Variants in MYRF observed in about 807,000 individuals in gnomAD.
MYRF encodes myelin regulatory factor, also known as myelin gene regulatory factor.
Under a neutral mutation model 126.3 loss-of-function variants are expected in MYRF, and 16 were observed. The ratio of observed to expected loss-of-function variants is 0.13; its 90% CI spans 0.09 to 0.19. MYRF has a LOEUF of 0.19. MYRF is among the 10% of genes least tolerant of loss of function. The pLI is 1.00. For synonymous variants in MYRF, 608 were observed against 635.3 expected, an observed-to-expected ratio of 0.96 and a Z score of 0.65; for missense variants, 1,104 against 1,547.0, an observed-to-expected ratio of 0.71 and a Z score of 4.80.
Position 61,779,550 on chromosome 11 carries a change from C to T in MYRF, c.2227C>T (p.Pro743Ser), listed in dbSNP as rs764008852. The T allele has an allele frequency of 6.6e-5, 99 of 1,504,568 alleles. 1 individual carries two copies. The highest frequency in any genetic ancestry group is 3.9e-4 in the Admixed American group (17 of 43,666). 93.2% of individuals were successfully genotyped at this position (1,504,568 alleles called of 1,614,324 possible). ...GGGCAGCGTCCCCCACAAGAAGAGG[C>T]CCCCCAAGGTGGCCAGCAAGGTAGG... The part of the protein sequence containing the change: ...RAGSVPHKKR[P>S]PKVASKSSSV... The change falls in exon 16 of 27, where the codon CCC becomes TCC. Residue 743 changes from proline to serine, a missense_variant. Pro to Ser is a moderately conservative substitution (Grantham distance 74). Around this residue, in one of 10 missense-constraint regions of MYRF, gnomAD observed 323 missense variants for 383.1 expected, o/e 0.84. Transcript: ENST00000278836.
intron 3 of MYRF, chr11:61,766,618 C>A: frequency 4.0e-6 from 1 of 248,404 alleles, no homozygotes; most frequent in Non-Finnish European, 7.9e-6. Flanking sequence ...ACTGTGGCCA[C>A]AGGAGCTGGC....
intron 1 of MYRF, chr11:61,755,301 A>G (rs2135669523): frequency 6.9e-7 from 1 of 1,445,600 alleles, no homozygotes; most frequent in Non-Finnish European, 9.4e-7. Context: ...GCCGGGACAG[A>G]GCGGCCCCCT....
intron 3 of MYRF, chr11:61,766,487 T>A (rs1830134287): frequency 2.2e-6 from 1 of 460,664 alleles, no homozygotes. Flanking sequence ...ATCTCGATGC[T>A]GTGTGGAGAG....
At position 61,771,891 on chromosome 11, in the gene MYRF, A is replaced by C; in HGVS notation, c.1054A>C (p.Lys352Gln). 6.2e-7 allele frequency: 1 copy of C among 1,614,150 alleles called. No homozygotes were observed. Among genetic ancestry groups the C allele is most frequent in the African/African-American group, 1.3e-5 (1 of 75,046 alleles). ...CCTGGACCCCAACTACCAGTCCATC[A>C]AGTGGCAGCCTCATCAGCAGAACAA... Reference protein sequence around the residue: ...SYLDPNYQSIKWQPHQQNKWA... With the variant: ...SYLDPNYQSIQWQPHQQNKWA... Residue 352 changes from lysine (K) to glutamine (Q), a missense_variant, in exon 7 of 27, where the codon AAG becomes CAG. Coordinates refer to ENST00000278836, the MANE Select transcript of MYRF (RefSeq NM_001127392.3).
Position 61,786,090 on chromosome 11 carries a change from C to G in MYRF, c.3403C>G (p.Leu1135Val). Residue 1135 changes from leucine to valine, a missense_variant, in exon 27 of 27, where the codon CTC becomes GTC. Physicochemically the swap from Leu to Val is conservative, Grantham distance 32. Around this residue, in one of 10 missense-constraint regions of MYRF, gnomAD observed 94 missense variants for 164.6 expected, o/e 0.57. Coordinates refer to ENST00000278836, the MANE Select transcript of MYRF (RefSeq NM_001127392.3). This position sits in a 1 kb window ranked among gnomAD's most constrained non-coding sequence, Gnocchi z 4.5. ...TCAGGCCAACTGCAGTTCAGAGGCT[C>G]TCGCCCAGCCAGCCACAGACTACCA... is the stretch of plus-strand genomic sequence containing the variant. ...LGQANCSSEA[L>V]AQPATDYHFH... The G allele has an allele frequency of 6.2e-7, 1 of 1,614,222 alleles. No individual in the cohort carries two copies. The highest frequency in any genetic ancestry group is 1.3e-5 in the African/African-American group (1 of 75,052).
Position 61,786,022 on chromosome 11 carries a change from C to G in MYRF, c.3376-41C>G. On this transcript the variant is annotated intron_variant, in intron 26 of 26. Coordinates refer to ENST00000278836, the MANE Select transcript of MYRF (RefSeq NM_001127392.3). This position sits in a 1 kb window ranked among gnomAD's most constrained non-coding sequence, Gnocchi z 4.5. Reference sequence around the variant, plus strand: ...AGCAGGGAGTGCCATCTGCCCCGCACCCCCAGAGCCACCTCACCTTCCCAC... The same window carrying G: ...AGCAGGGAGTGCCATCTGCCCCGCAGCCCCAGAGCCACCTCACCTTCCCAC... The G allele has an allele frequency of 6.2e-7, 1 of 1,602,370 alleles. No homozygotes were observed. Among genetic ancestry groups the G allele is most frequent in the Non-Finnish European group, 8.6e-7 (1 of 1,169,414 alleles).
chr11:61,775,911 G>A, intron 8 of MYRF, 145 bp from the exon 9 acceptor site: 1 of 713,908 alleles, frequency 1.4e-6, no homozygotes, highest in South Asian at 1.7e-5. Flanking sequence ...AGGCATCTGA[G>A]CTTGTGGGAA....
intron 5 of MYRF, among the ~76,000 whole-genome samples, chr11:61,771,099 G>T (rs1464134154): frequency 2.0e-5 from 3 of 152,224 alleles, no homozygotes; most frequent in Non-Finnish European, 4.4e-5. Flanking sequence ...CAGGCCCTCT[G>T]TGGCTTGTTT....
At chr11:61,772,742 C>T (rs760853036) in intron 7 of MYRF, among the ~76,000 whole-genome samples, 8 of 152,248 alleles carry the variant, frequency 5.3e-5, no homozygotes, top group Non-Finnish European at 1.2e-4. Context: ...GGCCAGGAAG[C>T]TTGGCAGCTG....
chr11:61,755,612 C>T (rs1032380808), intron 1 of MYRF: 2 of 821,340 alleles, frequency 2.4e-6, no homozygotes, highest in Non-Finnish European at 4.2e-6. Flanking sequence ...AGCTCTTGCC[C>T]TCTTTAAGTC....
chr11:61,763,073 T>C (rs934927597), intron 1 of MYRF, among the ~76,000 whole-genome samples: 12 of 152,102 alleles, frequency 7.9e-5, no homozygotes, highest in Non-Finnish European at 1.3e-4. Flanking sequence ...ACACCATGAC[T>C]GCATCAGCCC....
intron 8 of MYRF, 77 bp downstream of exon 8, chr11:61,774,239 C>T (rs1341229057): frequency 4.4e-6 from 6 of 1,360,290 alleles, no homozygotes; most frequent in South Asian, 2.8e-5. Context: ...AAAAAGCAAG[C>T]GTTGGCTGGA....
chr11:61,757,256 C>T lies in MYRF; in HGVS notation c.46+4466C>T. On this transcript the variant is annotated intron_variant, in intron 1 of 26. Transcript: ENST00000278836. This position sits in a 1 kb window ranked among gnomAD's most constrained non-coding sequence, Gnocchi z 4.7. ...CTCGGGGTAGGATGATGTAATGGTTCTGTGCATTCGCCAGCGAGGGCAGCT... is the reference window on the plus strand; with the variant it reads ...CTCGGGGTAGGATGATGTAATGGTTTTGTGCATTCGCCAGCGAGGGCAGCT... The T allele has an allele frequency of 2.2e-6, 1 of 456,734 alleles. No homozygotes were observed. Among genetic ancestry groups the T allele is most frequent in the Non-Finnish European group, 4.4e-6 (1 of 226,936 alleles). The allele number at this position is 456,734 out of a possible 1,614,324, so 28.3% of individuals were successfully genotyped here.
At chr11:61,755,268 G>A in intron 1 of MYRF, 3 of 1,120,078 alleles carry the variant, frequency 2.7e-6, no homozygotes, top group Non-Finnish European at 3.8e-6. Context: ...GGGGGCTAAG[G>A]CGCTTTGGAC....
chr11:61,773,694 G>A lies in MYRF; in HGVS notation c.1116-273G>A, dbSNP rs140855930. 5.2e-3 allele frequency among the ~76,000 whole-genome samples: 787 copies of A among 152,272 alleles called. 4 individuals are homozygous for A. Among genetic ancestry groups the A allele is most frequent in the Non-Finnish European group, 8.2e-3 (556 of 68,008 alleles). ...TTCCCTCCAGTCTGGTGGGCCTCAG[G>A]GTCTGGCCCTGCTTCCCCCATCACC... On this transcript the variant is annotated intron_variant, in intron 7 of 26. Transcript: ENST00000278836.
rs2066606607 is a variant in MYRF at position 61,783,460 on chromosome 11, T to C, written c.3017-38T>C. ...AAGGAAAGACTTGCCAGCTTCTCATTTGTGTCCTGCCTTGTCACCTTACTC... is the reference window on the plus strand; with the variant it reads ...AAGGAAAGACTTGCCAGCTTCTCATCTGTGTCCTGCCTTGTCACCTTACTC... On this transcript the variant is annotated intron_variant, in intron 22 of 26. Coordinates refer to ENST00000278836, the MANE Select transcript of MYRF (RefSeq NM_001127392.3). The surrounding 1 kb of genome is among the most constrained non-coding windows in gnomAD (Gnocchi z 4.6). 4 of 1,525,176 alleles carry C rather than the reference T, an allele frequency of 2.6e-6. No individual in the cohort carries two copies. In the South Asian group the frequency reaches 3.4e-5, roughly 13 times the overall value. 94.5% of individuals were successfully genotyped at this position (1,525,176 alleles called of 1,614,324 possible). A position where few individuals can be genotyped will look rare whatever the true frequency, so the allele number is the denominator to read the frequency against.
At chr11:61,765,839 G>C in intron 2 of MYRF, 119 bp from the exon 3 acceptor site, 1 of 1,424,258 alleles carries the variant, frequency 7.0e-7, no homozygotes, top group Non-Finnish European at 9.5e-7. Context: ...GCTGCTCCTC[G>C]TCCCTTCCCA....
Position 61,770,346 on chromosome 11 carries a change from C to T in MYRF, c.561C>T (p.Gly187=), listed in dbSNP as rs755365714. The T allele has an allele frequency of 2.0e-5, 12 of 597,114 alleles. No individual in the cohort carries two copies. The highest frequency in any genetic ancestry group is 3.1e-5 in the South Asian group (2 of 64,164). 37.0% of individuals were successfully genotyped at this position (597,114 alleles called of 1,614,324 possible). The change falls in exon 5 of 27, where the codon GGC becomes GGT. Residue 187 remains glycine (G), a synonymous_variant. Coordinates refer to ENST00000278836, the MANE Select transcript of MYRF (RefSeq NM_001127392.3). ...HPPPPPAHLP[G]PPPPPPPPPH... ...CCCCACCTCCAGCCCACTTGCCAGGCCCCCCGCCACCCCCACCACCCCCAC... is the reference window on the plus strand; with the variant it reads ...CCCCACCTCCAGCCCACTTGCCAGGTCCCCCGCCACCCCCACCACCCCCAC...
rs1555053545 is a variant in MYRF, at chr11:61,761,263, G to GGGT, written c.47-4360_47-4359insTGG. On this transcript the variant is annotated intron_variant, in intron 1 of 26. Coordinates refer to ENST00000278836, the MANE Select transcript of MYRF (RefSeq NM_001127392.3). ...TCAGCCAACGGCCACAGCTGGTGGG[G>GGGT]GGGGGGGCACATAAGCACAAGGAGG... 5.9e-5 allele frequency among the ~76,000 whole-genome samples: 9 copies of GGGT among 151,774 alleles called. No homozygotes were observed. In the South Asian group the frequency reaches 1.9e-3, roughly 32 times the overall value.
Sources: allele counts gnomAD v4.1 joint callset (sites outside exome capture counted in the v4.1 genomes callset), GRCh38; gene constraint gnomAD v4.1.1; regional missense constraint gnomAD v4.1.1; non-coding constraint Gnocchi (gnomAD v3.1); transcripts MANE v1.5; gene names NCBI Gene and HGNC (gene_info 2026-07-23, HGNC 2026-07-21).